The following AKR1E2 variants were observed in gnomAD, a reference collection of about 807,000 sequenced individuals.
AKR1E2 encodes aldo-keto reductase family 1 member E2.
Under a neutral mutation model 41.9 loss-of-function variants are expected in AKR1E2, and 43 were observed. The observed-to-expected ratio is 1.03, with a 90% CI of 0.80 to 1.32. The LOEUF is 1.32. AKR1E2 is among the 40% of genes most tolerant of loss of function. The pLI is 0.00. For synonymous variants in AKR1E2, 121 were observed against 138.9 expected (o/e 0.87, Z 0.91); for missense variants, 423 against 396.5 (o/e 1.07, Z -0.57).
At chr10:4,828,010 A>T (rs1832681137) in intron 1 of AKR1E2, among the ~76,000 whole-genome samples, 1 of 152,212 alleles carries the variant, frequency 6.6e-6, no homozygotes, top group Non-Finnish European at 1.5e-5. Context: ...GATTAATCAT[A>T]ATCACTCATC....
At chr10:4,826,198 G>C, upstream of AKR1E2, 1 of 663,008 alleles carries the variant, frequency 1.5e-6, no homozygotes, top group Non-Finnish European at 2.1e-6. Context: ...CATTGTCGGA[G>C]TGTCAGCCGT....
the AKR1E2 span, among the ~76,000 whole-genome samples, chr10:4,857,760 T>C: frequency 6.6e-6 from 1 of 152,322 alleles, no homozygotes; most frequent in African/African-American, 2.4e-5. Context: ...TTGTTCATTT[T>C]ATCTAGGTTA....
the AKR1E2 span, among the ~76,000 whole-genome samples, chr10:4,860,280 C>T: frequency 2.6e-5 from 4 of 152,286 alleles, no homozygotes; most frequent in South Asian, 6.2e-4. Context: ...GTCCATAGGG[C>T]ACTAGGCACC....
At chr10:4,866,639 G>GT in the AKR1E2 span, among the ~76,000 whole-genome samples, 31,128 of 104,236 alleles carry the variant, frequency 0.3, 5,338 homozygotes, top group East Asian at 0.64. Flanking sequence ...TTTTGTTTTT[G>GT]TTTTTGTTTT....
At chr10:4,866,390 T>A in the AKR1E2 span, among the ~76,000 whole-genome samples, 1 of 152,310 alleles carries the variant, frequency 6.6e-6, no homozygotes, top group African/African-American at 2.4e-5. Flanking sequence ...CAAAAAATAA[T>A]TCAGAGTCTG....
intron 2 of AKR1E2, among the ~76,000 whole-genome samples, chr10:4,832,528 CA>C (rs1211927828): frequency 6.6e-6 from 1 of 152,058 alleles, no homozygotes; most frequent in Non-Finnish European, 1.5e-5. Context: ...TCGTAGTCAG[CA>C]GTGGAAATAT....
chr10:4,869,720 C>A, the AKR1E2 span, among the ~76,000 whole-genome samples: 1 of 151,918 alleles, frequency 6.6e-6, no homozygotes, highest in Non-Finnish European at 1.5e-5. Flanking sequence ...TCATTCAGTT[C>A]AATGTACTTT....
At chr10:4,838,683 T>C (rs1833627098) in intron 5 of AKR1E2, among the ~76,000 whole-genome samples, 1 of 152,222 alleles carries the variant, frequency 6.6e-6, no homozygotes, top group South Asian at 2.1e-4. Flanking sequence ...GGTCCTGTTG[T>C]AGCCACCACC....
At chr10:4,844,621 G>C (rs1322275582) in intron 8 of AKR1E2, among the ~76,000 whole-genome samples, 1 of 151,646 alleles carries the variant, frequency 6.6e-6, no homozygotes, top group Non-Finnish European at 1.5e-5. Flanking sequence ...ATCCCCACTA[G>C]ATTAGCTAGA....
chr10:4,869,309 G>T, the AKR1E2 span, among the ~76,000 whole-genome samples: 49 of 152,274 alleles, frequency 3.2e-4, no homozygotes, highest in Middle Eastern at 3.4e-3. Context: ...TGAAGTGTAT[G>T]TGTGGAGTTG....
chr10:4,853,615 G>A, the AKR1E2 span, among the ~76,000 whole-genome samples: 5 of 152,126 alleles, frequency 3.3e-5, no homozygotes, highest in East Asian at 1.9e-4. Flanking sequence ...ACACCAATCC[G>A]TATAAGTGAG....
the AKR1E2 span, among the ~76,000 whole-genome samples, chr10:4,864,812 A>G: frequency 6.6e-6 from 1 of 152,250 alleles, no homozygotes; most frequent in Non-Finnish European, 1.5e-5. Context: ...TTATACACCA[A>G]TAACAGAGTA....
chr10:4,842,258 A>G (rs1833949767), intron 7 of AKR1E2, among the ~76,000 whole-genome samples, 163 bp from the exon 8 acceptor site: 1 of 152,240 alleles, frequency 6.6e-6, no homozygotes, highest in Non-Finnish European at 1.5e-5. Context: ...GATGGCTGTC[A>G]TTACCAACAT....
the AKR1E2 span, among the ~76,000 whole-genome samples, chr10:4,854,085 G>GTT: frequency 1.5e-4 from 19 of 129,322 alleles, no homozygotes; most frequent in African/African-American, 3.9e-4. Context: ...CTCCTTTACT[G>GTT]TTTTTTTTTT....
At chr10:4,828,276 G>A (rs1832703754) in intron 1 of AKR1E2, among the ~76,000 whole-genome samples, 1 of 152,212 alleles carries the variant, frequency 6.6e-6, no homozygotes, top group African/African-American at 2.4e-5. Flanking sequence ...CGTGCGGTTA[G>A]TTAGGGAGTG....
At chr10:4,826,633 C>T (rs925584992) in intron 1 of AKR1E2, among the ~76,000 whole-genome samples, 4 of 152,102 alleles carry the variant, frequency 2.6e-5, no homozygotes, top group South Asian at 2.1e-4. Context: ...TCTGGGGCTG[C>T]GGCCGCGGCG....
chr10:4,835,911 T>TTTGA, intron 4 of AKR1E2, 102 bp downstream of exon 4: 1 of 1,480,842 alleles, frequency 6.8e-7, no homozygotes, highest in Non-Finnish European at 9.1e-7. Flanking sequence ...CAAGGTTGTC[T>TTTGA]ACCTGAGATG....
intron 8 of AKR1E2, among the ~76,000 whole-genome samples, chr10:4,844,064 TG>T (rs1564275065): frequency 6.6e-6 from 1 of 152,234 alleles, no homozygotes; most frequent in African/African-American, 2.4e-5. Context: ...GGTGGGTTCT[TG>T]GTCTCACTGA....
chr10:4,870,153 G>A, the AKR1E2 span, among the ~76,000 whole-genome samples: 3 of 152,090 alleles, frequency 2.0e-5, no homozygotes, highest in South Asian at 2.1e-4. Flanking sequence ...TTATCACAGT[G>A]TATTGGTGTC....
Sources: gnomAD v4.1 joint callset for allele counts (sites outside exome capture counted in the v4.1 genomes callset) on GRCh38, gnomAD v4.1.1 for gene constraint, MANE v1.5 for transcripts, NCBI Gene and HGNC (gene_info 2026-07-23, HGNC 2026-07-21) for gene names.